THSD7A: variants seen among roughly 807,000 people sequenced by gnomAD.
THSD7A encodes thrombospondin type 1 domain containing 7A.
Under a neutral mutation model 231.3 loss-of-function variants are expected in THSD7A, and 96 were observed. The ratio of observed to expected loss-of-function variants is 0.41; its 90% CI spans 0.35 to 0.49. The LOEUF (loss-of-function observed/expected upper bound fraction) is 0.49. THSD7A is among the 20% of genes least tolerant of loss of function. THSD7A has a pLI of 0.05. For missense variants in THSD7A, 2,290 were observed against 2,070.2 expected, an observed-to-expected ratio of 1.11 and a Z score of -2.06; for synonymous variants, 940 against 743.3, an observed-to-expected ratio of 1.26 and a Z score of -4.30.
At chr7:11,603,012 A>G (rs999187129) in intron 2 of THSD7A, among the ~76,000 whole-genome samples, 1 of 151,020 alleles carries the variant, frequency 6.6e-6, no homozygotes, top group South Asian at 2.1e-4. Flanking sequence ...GCAACAAAAG[A>G]CAAAATTGAC....
intron 1 of THSD7A, among the ~76,000 whole-genome samples, chr7:11,725,745 C>G (rs10231480): frequency 0.84 from 127,043 of 152,000 alleles, 53,648 homozygotes; most frequent in African/African-American, 0.95. Context: ...TTTAAACATA[C>G]GCAGTTGTGT....
intron 24 of THSD7A, among the ~76,000 whole-genome samples, chr7:11,382,263 A>G (rs1782547078): frequency 6.6e-6 from 1 of 152,300 alleles, no homozygotes; most frequent in East Asian, 1.9e-4. Flanking sequence ...ACAATTATTT[A>G]TTAGAATTAG....
chr7:11,533,502 T>A lies in THSD7A; in HGVS notation c.1822+7917A>T, dbSNP rs987435826. Among the ~76,000 whole-genome samples, 31 of 152,088 alleles carry A rather than the reference T, an allele frequency of 2.0e-4. 1 individual carries two copies. Among genetic ancestry groups the A allele is most frequent in the Admixed American group, 9.8e-4 (15 of 15,266 alleles). On this transcript the variant is annotated intron_variant, in intron 6 of 27. Transcript: ENST00000423059. Reference sequence around the variant, plus strand: ...GACATGGAACCAACCCAAATGTCCATCAAAGATAGATTGGATAAAGAAAAT... The same window carrying A: ...GACATGGAACCAACCCAAATGTCCAACAAAGATAGATTGGATAAAGAAAAT...
Position 11,640,677 on chromosome 7 carries a change from G to C in THSD7A, c.191-3716C>G, listed in dbSNP as rs547055702. ...GTATTTCTTACTAGAATATTCTCTT[G>C]TCTTCAGAGCTAGTTAAAAGCATAT... On this transcript the variant is annotated intron_variant, in intron 1 of 27. Transcript: ENST00000423059. 4.6e-5 allele frequency among the ~76,000 whole-genome samples: 7 copies of C among 152,050 alleles called. No homozygotes were observed. The South Asian group carries it at 1.5e-3, about 32-fold the overall frequency.
chr7:11,778,187 T>A (rs1783498372), intron 1 of THSD7A, among the ~76,000 whole-genome samples: 1 of 140,806 alleles, frequency 7.1e-6, no homozygotes, highest in Non-Finnish European at 1.6e-5. Context: ...AAGAAAGCCC[T>A]TTCCTATGTA....
chr7:11,534,370 C>A (rs1402775110), intron 6 of THSD7A, among the ~76,000 whole-genome samples: 2 of 152,154 alleles, frequency 1.3e-5, no homozygotes, highest in Non-Finnish European at 2.9e-5. Context: ...GGACTTTCAG[C>A]TTTTGCTTGG....
At chr7:11,713,517 C>T (rs1034886897) in intron 1 of THSD7A, among the ~76,000 whole-genome samples, 4 of 151,194 alleles carry the variant, frequency 2.6e-5, no homozygotes, top group South Asian at 4.1e-4. Context: ...CTCATGGAGG[C>T]ATAAGTAGGT....
At chr7:11,741,634 T>C (rs17165148) in intron 1 of THSD7A, among the ~76,000 whole-genome samples, 7,471 of 151,938 alleles carry the variant, frequency 0.049, 206 homozygotes, top group East Asian at 0.14. Flanking sequence ...TGAGCACTCC[T>C]TGGTTGAAAG....
At chr7:11,471,810 T>C (rs1218394752) in intron 8 of THSD7A, among the ~76,000 whole-genome samples, 3 of 152,086 alleles carry the variant, frequency 2.0e-5, no homozygotes, top group Non-Finnish European at 4.4e-5. Context: ...AAACATTATA[T>C]GGCAAAACTC....
chr7:11,548,610 C>T (rs1332287515), intron 4 of THSD7A, among the ~76,000 whole-genome samples: 1 of 152,078 alleles, frequency 6.6e-6, no homozygotes, highest in Non-Finnish European at 1.5e-5. Context: ...CAAAAATCCT[C>T]AAAAATTACA....
chr7:11,753,866 A>G (rs1782588116), intron 1 of THSD7A, among the ~76,000 whole-genome samples: 1 of 152,024 alleles, frequency 6.6e-6, no homozygotes, highest in Non-Finnish European at 1.5e-5. Flanking sequence ...TAATTTAAAA[A>G]GAATTAGATC....
intron 1 of THSD7A, among the ~76,000 whole-genome samples, chr7:11,657,755 T>G (rs1782762501): frequency 1.3e-5 from 2 of 151,826 alleles, no homozygotes; most frequent in African/African-American, 4.8e-5. Context: ...AGTGCTAGAC[T>G]GACAGTAAAT....
chr7:11,551,123 G>C (rs757605423), intron 4 of THSD7A, among the ~76,000 whole-genome samples: 5 of 151,988 alleles, frequency 3.3e-5, no homozygotes, highest in Non-Finnish European at 7.4e-5. Context: ...AGTTATCCTA[G>C]GATAACTGGC....
intron 8 of THSD7A, among the ~76,000 whole-genome samples, chr7:11,473,508 C>A (rs1288278951): frequency 6.6e-6 from 1 of 152,096 alleles, no homozygotes; most frequent in Non-Finnish European, 1.5e-5. Context: ...ACTCATTTAT[C>A]ATTTCATATC....
At chr7:11,541,951 G>GAC (rs1258059735) in intron 5 of THSD7A, among the ~76,000 whole-genome samples, 1 of 151,958 alleles carries the variant, frequency 6.6e-6, no homozygotes, top group Admixed American at 6.6e-5. Flanking sequence ...AACAGAGAGA[G>GAC]AGATAAATTT....
chr7:11,434,335 G>A (rs1001889346), intron 13 of THSD7A, among the ~76,000 whole-genome samples: 10 of 152,030 alleles, frequency 6.6e-5, no homozygotes, highest in African/African-American at 1.7e-4. Context: ...CCAGACTTCT[G>A]ATTATATTTT....
chr7:11,379,082 G>A lies in THSD7A; in HGVS notation c.4789C>T (p.Pro1597Ser), dbSNP rs2115292268. 1.2e-6 allele frequency: 2 copies of A among 1,613,140 alleles called. No homozygotes were observed. Among genetic ancestry groups the A allele is most frequent in the Non-Finnish European group, 8.5e-7 (1 of 1,179,614 alleles). Reference sequence around the variant, plus strand: ...CTAGTCAGTTCACCTGGCCCAAATGGCTGTAGAAACCAGGTCCTTCCCCGT... The same window carrying A: ...CTAGTCAGTTCACCTGGCCCAAATGACTGTAGAAACCAGGTCCTTCCCCGT... ...AGRGRTWFLQ[P>S]FGPDGRLKTW... The change falls in exon 26 of 28, where the codon CCA becomes TCA. Residue 1597 changes from proline to serine, a missense_variant. Physicochemically the swap from Pro to Ser is moderately conservative, Grantham distance 74 (BLOSUM62 -1). Coordinates refer to ENST00000423059, the MANE Select transcript of THSD7A (RefSeq NM_015204.3).
At chr7:11,459,394 T>A (rs752780578) in intron 11 of THSD7A, among the ~76,000 whole-genome samples, 1 of 152,074 alleles carries the variant, frequency 6.6e-6, no homozygotes, top group African/African-American at 2.4e-5. Flanking sequence ...TAGCAGGGCA[T>A]GACAAGAAGA....
At chr7:11,402,694 C>A (rs1225493777) in intron 22 of THSD7A, among the ~76,000 whole-genome samples, 1 of 152,078 alleles carries the variant, frequency 6.6e-6, no homozygotes, top group Non-Finnish European at 1.5e-5. Flanking sequence ...ATCTCAAAAC[C>A]CTCCCTTGTG....
Sources: gnomAD v4.1 joint callset for allele counts (sites outside exome capture counted in the v4.1 genomes callset) on GRCh38, gnomAD v4.1.1 for gene constraint, MANE v1.5 for transcripts, NCBI Gene and HGNC (gene_info 2026-07-23, HGNC 2026-07-21) for gene names.